BMP6: variants seen among roughly 807,000 people sequenced by gnomAD.
BMP6 encodes VG-1-R.
BMP6 carries 17 observed loss-of-function variants against 54.1 expected under a neutral mutation model. The ratio of observed to expected loss-of-function variants is 0.31; its 90% CI spans 0.22 to 0.47. BMP6 has a LOEUF of 0.47. BMP6 is among the 20% of genes least tolerant of loss of function. BMP6 has a pLI of 1.00. For missense variants in BMP6, 720 were observed against 690.4 expected, an observed-to-expected ratio of 1.04 and a Z score of -0.48; for synonymous variants, 328 against 291.2, an observed-to-expected ratio of 1.13 and a Z score of -1.28.
chr6:7,752,401 C>A (rs773382927), intron 1 of BMP6, among the ~76,000 whole-genome samples: 1 of 152,122 alleles, frequency 6.6e-6, no homozygotes, highest in Admixed American at 6.6e-5. Context: ...CACTTGCTCT[C>A]CCTTTGTATA....
At chr6:7,876,455 C>T (rs1474098351) in intron 4 of BMP6, among the ~76,000 whole-genome samples, 1 of 152,174 alleles carries the variant, frequency 6.6e-6, no homozygotes. Flanking sequence ...TTACTGCCTT[C>T]CGAAATTCCT....
At chr6:7,794,783 C>T (rs1400212067) in intron 1 of BMP6, among the ~76,000 whole-genome samples, 1 of 152,008 alleles carries the variant, frequency 6.6e-6, no homozygotes, top group Admixed American at 6.6e-5. Context: ...TGCCCAGGGT[C>T]GTAAGTGATA....
intron 1 of BMP6, among the ~76,000 whole-genome samples, chr6:7,750,152 G>A (rs776474737): frequency 2.4e-4 from 37 of 152,266 alleles, no homozygotes; most frequent in Non-Finnish European, 4.1e-4. Context: ...AACATTCAAC[G>A]TCAACATTTG....
At chr6:7,782,288 G>A (rs1757960106) in intron 1 of BMP6, among the ~76,000 whole-genome samples, 1 of 152,176 alleles carries the variant, frequency 6.6e-6, no homozygotes, top group Non-Finnish European at 1.5e-5. Flanking sequence ...ACTGGGGCAT[G>A]CTCGTGTTGA....
intron 4 of BMP6, among the ~76,000 whole-genome samples, chr6:7,868,777 T>C (rs1332127007): frequency 6.6e-6 from 1 of 152,236 alleles, no homozygotes; most frequent in Non-Finnish European, 1.5e-5. Flanking sequence ...GACACCCGGC[T>C]GAGCTGGCAG....
intron 1 of BMP6, among the ~76,000 whole-genome samples, chr6:7,765,800 G>C (rs1381350650): frequency 6.6e-6 from 1 of 152,236 alleles, no homozygotes; most frequent in Non-Finnish European, 1.5e-5. Flanking sequence ...GTTCCTTCTG[G>C]AGGCTCTAGG....
intron 1 of BMP6, among the ~76,000 whole-genome samples, chr6:7,772,450 C>CTCTAG (rs1757804079): frequency 6.6e-6 from 1 of 152,174 alleles, no homozygotes; most frequent in Non-Finnish European, 1.5e-5. Context: ...GACCAGACCA[C>CTCTAG]TCTAGTCAAA....
At chr6:7,743,297 T>C (rs1419207780) in intron 1 of BMP6, among the ~76,000 whole-genome samples, 2 of 152,214 alleles carry the variant, frequency 1.3e-5, no homozygotes, top group Admixed American at 1.3e-4. Context: ...CGAACAATAG[T>C]ATATAATGTT....
At chr6:7,810,777 C>CAA (rs1231183158) in intron 1 of BMP6, among the ~76,000 whole-genome samples, 1 of 152,192 alleles carries the variant, frequency 6.6e-6, no homozygotes, top group Admixed American at 6.5e-5. Context: ...AGGGAACACT[C>CAA]AAAGTATATG....
intron 1 of BMP6, among the ~76,000 whole-genome samples, chr6:7,769,751 T>A: frequency 6.6e-6 from 1 of 152,192 alleles, no homozygotes; most frequent in East Asian, 1.9e-4. Flanking sequence ...CAATCTATGA[T>A]GTAAAGAGGT....
At chr6:7,784,344 A>G (rs1757992075) in intron 1 of BMP6, among the ~76,000 whole-genome samples, 2 of 152,172 alleles carry the variant, frequency 1.3e-5, no homozygotes, top group African/African-American at 4.8e-5. Flanking sequence ...TATGAAAGTA[A>G]TCTTCAGTAC....
chr6:7,863,549 C>A lies in BMP6; in HGVS notation c.1204+1051C>A, dbSNP rs141161544. Among the ~76,000 whole-genome samples, 1,451 of 152,288 alleles carry A rather than the reference C, an allele frequency of 9.5e-3. 11 individuals are homozygous for A. The highest frequency in any genetic ancestry group is 0.016 in the Non-Finnish European group (1,067 of 68,020). On this transcript the variant is annotated intron_variant, in intron 4 of 6. Coordinates refer to ENST00000283147, the MANE Select transcript of BMP6 (RefSeq NM_001718.6). Reference sequence around the variant, plus strand: ...TTGGCTTGGCTGGGGTTGCGTCCTCCAACCTGAAGCACACTGCTGGGTGGG... The same window carrying A: ...TTGGCTTGGCTGGGGTTGCGTCCTCAAACCTGAAGCACACTGCTGGGTGGG...
At chr6:7,863,600 A>G (rs1441966709) in intron 4 of BMP6, among the ~76,000 whole-genome samples, 1 of 152,126 alleles carries the variant, frequency 6.6e-6, no homozygotes, top group Non-Finnish European at 1.5e-5. Flanking sequence ...CCAGACCTGA[A>G]CTGTGTGCTC....
At chr6:7,744,415 G>T (rs1166050337) in intron 1 of BMP6, among the ~76,000 whole-genome samples, 1 of 152,138 alleles carries the variant, frequency 6.6e-6, no homozygotes, top group Non-Finnish European at 1.5e-5. Flanking sequence ...GGCCGAGGTT[G>T]CAGTGAGCTG....
At chr6:7,729,228 A>G (rs528262913) in intron 1 of BMP6, among the ~76,000 whole-genome samples, 52 of 152,282 alleles carry the variant, frequency 3.4e-4, no homozygotes, top group Non-Finnish European at 6.6e-4. Context: ...GTGGCAGAGG[A>G]CCAGCGCTGT....
At chr6:7,870,469 C>T (rs989862421) in intron 4 of BMP6, among the ~76,000 whole-genome samples, 3 of 152,210 alleles carry the variant, frequency 2.0e-5, no homozygotes, top group Admixed American at 1.3e-4. Flanking sequence ...ACGCTTTGGG[C>T]ACCACAGCTG....
At chr6:7,797,680 T>G (rs1408331020) in intron 1 of BMP6, among the ~76,000 whole-genome samples, 2 of 152,176 alleles carry the variant, frequency 1.3e-5, no homozygotes, top group African/African-American at 2.4e-5. Context: ...TTTCTTGGAG[T>G]GCAAATTGCA....
At chr6:7,742,394 G>A (rs931832796) in intron 1 of BMP6, among the ~76,000 whole-genome samples, 4 of 152,234 alleles carry the variant, frequency 2.6e-5, no homozygotes, top group African/African-American at 7.2e-5. Flanking sequence ...CGCAGGTGCC[G>A]TTGCAGAATA....
At chr6:7,760,062 CTTT>C (rs10587005) in intron 1 of BMP6, among the ~76,000 whole-genome samples, 153 of 114,448 alleles carry the variant, frequency 1.3e-3, no homozygotes, top group East Asian at 2.3e-3. Context: ...TATTTTTCAA[CTTT>C]TTTTTTTTTT....
Sources: gnomAD v4.1 joint callset for allele counts (sites outside exome capture counted in the v4.1 genomes callset) on GRCh38, gnomAD v4.1.1 for gene constraint, MANE v1.5 for transcripts, NCBI Gene and HGNC (gene_info 2026-07-23, HGNC 2026-07-21) for gene names.